The following DDX60L variants were observed in gnomAD, a reference collection of about 807,000 sequenced individuals.
DDX60L encodes the protein probable ATP-dependent RNA helicase DDX60-like.
In DDX60L, 191 loss-of-function variants were observed where a neutral mutation model predicts 211.6. The observed-to-expected ratio is 0.90, with a 90% CI of 0.80 to 1.02. DDX60L has a LOEUF of 1.02. Ranked by LOEUF, DDX60L falls within the 50% of genes least tolerant of loss-of-function variation. DDX60L has a pLI of 0.00. For synonymous variants in DDX60L, 706 were observed against 694.1 expected, an observed-to-expected ratio of 1.02 and a Z score of -0.27; for missense variants, 2,007 against 1,984.1, an observed-to-expected ratio of 1.01 and a Z score of -0.22.
intron 9 of DDX60L, among the ~76,000 whole-genome samples, chr4:168,445,421 T>C (rs949469239): frequency 5.9e-5 from 9 of 151,534 alleles, no homozygotes; most frequent in African/African-American, 1.9e-4. Flanking sequence ...CAGGACCAGA[T>C]GGATTCACAG....
intron 26 of DDX60L, among the ~76,000 whole-genome samples, chr4:168,400,243 C>A (rs562160879): frequency 6.6e-6 from 1 of 151,912 alleles, no homozygotes; most frequent in South Asian, 2.1e-4. Context: ...ACATGTACCA[C>A]ATTTTCCTTA....
chr4:168,449,540 C>T (rs1755357704), intron 8 of DDX60L, among the ~76,000 whole-genome samples: 1 of 128,414 alleles, frequency 7.8e-6, no homozygotes, highest in Non-Finnish European at 1.6e-5. Flanking sequence ...GGGTGCAGCG[C>T]ACCAGCATGG....
At chr4:168,418,772 C>T (rs900500691) in intron 19 of DDX60L, among the ~76,000 whole-genome samples, 1 of 152,228 alleles carries the variant, frequency 6.6e-6, no homozygotes, top group Admixed American at 6.5e-5. Flanking sequence ...TCCTCTCTGG[C>T]CAATGAGTCT....
intron 10 of DDX60L, among the ~76,000 whole-genome samples, chr4:168,434,609 A>G (rs993388936): frequency 2.6e-5 from 4 of 152,262 alleles, no homozygotes; most frequent in African/African-American, 9.6e-5. Context: ...TAATCACTAA[A>G]GATAAAGTAG....
chr4:168,448,594 A>G (rs775360608), intron 9 of DDX60L, 44 bp downstream of exon 9: 86 of 1,411,032 alleles, frequency 6.1e-5, no homozygotes, highest in Non-Finnish European at 8.3e-5. Flanking sequence ...AGGGTTTTAT[A>G]TAATTTGTTC....
intron 30 of DDX60L, chr4:168,380,130 A>T (rs1204278858): frequency 4.1e-6 from 1 of 243,584 alleles, no homozygotes; most frequent in Admixed American, 5.3e-5. Context: ...TATGAAAGCC[A>T]ATCCGGCTTA....
At chr4:168,417,813 CAG>C (rs1749825783) in intron 19 of DDX60L, among the ~76,000 whole-genome samples, 1 of 152,126 alleles carries the variant, frequency 6.6e-6, no homozygotes, top group African/African-American at 2.4e-5. Flanking sequence ...TGGTCTTAAA[CAG>C]AATACATCGT....
chr4:168,470,315 ACG>A (rs1411249736), intron 4 of DDX60L: 4 of 152,094 alleles, frequency 2.6e-5, no homozygotes. Flanking sequence ...ATAAAAACTT[ACG>A]TCCACACGAA....
intron 1 of DDX60L, among the ~76,000 whole-genome samples, chr4:168,477,186 C>G (rs1325760413): frequency 6.6e-6 from 1 of 152,034 alleles, no homozygotes; most frequent in Non-Finnish European, 1.5e-5. Flanking sequence ...GAGGCCAAGG[C>G]GGACGGATCA....
At chr4:168,402,142 T>G (rs2149781627) in intron 25 of DDX60L, among the ~76,000 whole-genome samples, 1 of 149,780 alleles carries the variant, frequency 6.7e-6, no homozygotes, top group Admixed American at 6.6e-5. Flanking sequence ...TTTTTTTTTT[T>G]TTTGAGACAG....
intron 10 of DDX60L, among the ~76,000 whole-genome samples, chr4:168,439,719 A>G (rs975900530): frequency 6.6e-5 from 10 of 152,230 alleles, no homozygotes; most frequent in Non-Finnish European, 1.2e-4. Context: ...AATCTTCAAA[A>G]GAACAAAGTT....
chr4:168,419,472 A>G, intron 18 of DDX60L, 75 bp from the exon 19 acceptor site: 1 of 1,019,998 alleles, frequency 9.8e-7, no homozygotes, highest in South Asian at 1.9e-5. Context: ...ATAGGAACCT[A>G]GAAAATATGC....
chr4:168,448,776 T>C lies in DDX60L; in HGVS notation c.1000A>G (p.Lys334Glu), dbSNP rs1360892890. ...CTTAAAATGAAATATTCACACCACT[T>C]GTTCTGAAAATTAAAAATAAAACAT... ...RNSDSFLKMNKWCEYFILSNL... is the reference protein window; with the variant it reads ...RNSDSFLKMNEWCEYFILSNL... The change falls in exon 9 of 38, where the codon AAG (lysine) becomes GAG (glutamate). Residue 334 changes from lysine to glutamate, a missense_variant. Coordinates refer to ENST00000682922, the MANE Select transcript of DDX60L (RefSeq NM_001012967.3). The C allele has an allele frequency of 2.5e-6, 4 of 1,597,196 alleles. No individual in the cohort carries two copies. Among genetic ancestry groups the C allele is most frequent in the Non-Finnish European group, 3.4e-6 (4 of 1,172,354 alleles).
Position 168,423,704 on chromosome 4 carries a change from G to T in DDX60L, c.2001C>A (p.Tyr667Ter). 6.2e-7 allele frequency: 1 copy of T among 1,608,100 alleles called. No individual in the cohort carries two copies. The highest frequency in any genetic ancestry group is 8.5e-7 in the Non-Finnish European group (1 of 1,177,406). ...GATGTTCTGCTTCCAAAATTTCTGG[G>T]TATCTCTCCAGGAGTGAATGAATCC... ...MKRIHSLLER[Y>*]PEILEAEHHQ... The change falls in exon 15 of 38, where the codon TAC becomes TAA. Residue 667 changes from tyrosine to a stop codon, truncating the protein, a stop_gained. Transcript: ENST00000682922. LOFTEE classifies it high-confidence loss of function.
At chr4:168,392,598 C>T (rs763806526) in intron 28 of DDX60L, among the ~76,000 whole-genome samples, 6 of 151,936 alleles carry the variant, frequency 3.9e-5, no homozygotes, top group African/African-American at 2.4e-5. Context: ...AACTTCAGCA[C>T]TTTGGGAGGC....
Position 168,457,293 on chromosome 4 carries a change from T to C in DDX60L, c.723+599A>G, listed in dbSNP as rs2932115. On this transcript the variant is annotated intron_variant, in intron 6 of 37. Transcript: ENST00000682922. The stretch of plus-strand genomic sequence containing the variant: ...ACACACACACACACACACACACACA[T>C]ACACACACACACACACACAATATGT... 6.4e-3 allele frequency among the ~76,000 whole-genome samples: 808 copies of C among 125,730 alleles called. 4 individuals are homozygous for C. Among genetic ancestry groups the C allele is most frequent in the African/African-American group, 0.015 (539 of 36,984 alleles). The allele number at this position is 125,730 out of a possible 152,430, so 82.5% of individuals were successfully genotyped here.
intron 10 of DDX60L, among the ~76,000 whole-genome samples, chr4:168,437,210 G>A (rs1753163881): frequency 6.6e-6 from 1 of 152,184 alleles, no homozygotes; most frequent in African/African-American, 2.4e-5. Context: ...TTTTGAAATA[G>A]GGTCTTTGCA....
intron 4 of DDX60L, among the ~76,000 whole-genome samples, chr4:168,465,754 C>T (rs1216065555): frequency 6.6e-6 from 1 of 152,096 alleles, no homozygotes; most frequent in African/African-American, 2.4e-5. Flanking sequence ...AGACACTGTC[C>T]TTTCCCCAGT....
At chr4:168,472,379 A>G (rs1196518232) in intron 3 of DDX60L, 76 bp downstream of exon 3, 5 of 1,093,358 alleles carry the variant, frequency 4.6e-6, no homozygotes, top group East Asian at 2.6e-5. Flanking sequence ...ATGTATATGT[A>G]TATGGGTTAA....
Sources: gnomAD v4.1 joint callset for allele counts (sites outside exome capture counted in the v4.1 genomes callset) on GRCh38, gnomAD v4.1.1 for gene constraint, MANE v1.5 for transcripts, NCBI Gene and HGNC (gene_info 2026-07-23, HGNC 2026-07-21) for gene names.